The following UGT8 variants were observed in gnomAD, a reference collection of about 807,000 sequenced individuals.
UGT8 encodes the protein 2-hydroxyacylsphingosine 1-beta-galactosyltransferase.
Under a neutral mutation model 40.5 loss-of-function variants are expected in UGT8, and 12 were observed. That is an observed-to-expected ratio of 0.30 (90% CI 0.19 to 0.48). UGT8 has a LOEUF of 0.48. Ranked by LOEUF, UGT8 falls within the 20% of genes least tolerant of loss-of-function variation. The pLI is 0.99. For synonymous variants in UGT8, 224 were observed against 240.4 expected (o/e 0.93, Z 0.63); for missense variants, 513 against 648.7 (o/e 0.79, Z 2.27).
upstream of UGT8, chr4:114,598,570 G>A (rs951798817): frequency 3.3e-5 from 5 of 152,374 alleles, no homozygotes; most frequent in Non-Finnish European, 7.3e-5. Context: ...CGGGGAGCTG[G>A]AGGCGCTCGC....
At chr4:114,612,433 T>C (rs1731149613) in intron 1 of UGT8, among the ~76,000 whole-genome samples, 1 of 152,112 alleles carries the variant, frequency 6.6e-6, no homozygotes, top group Non-Finnish European at 1.5e-5. Context: ...ATCTCTATTT[T>C]TCCAAAGCTT....
intron 2 of UGT8, among the ~76,000 whole-genome samples, chr4:114,647,915 G>T (rs1733674540): frequency 6.6e-6 from 1 of 152,122 alleles, no homozygotes; most frequent in Non-Finnish European, 1.5e-5. Flanking sequence ...CATAACTGTG[G>T]AAGAAATTTT....
intron 1 of UGT8, among the ~76,000 whole-genome samples, chr4:114,616,141 A>G (rs1731413063): frequency 6.6e-6 from 1 of 152,208 alleles, no homozygotes; most frequent in South Asian, 2.1e-4. Flanking sequence ...AGACAGGGAC[A>G]TTTAAGTCTG....
intron 2 of UGT8, among the ~76,000 whole-genome samples, chr4:114,644,353 T>TA (rs1443474087): frequency 6.6e-6 from 1 of 152,184 alleles, no homozygotes; most frequent in African/African-American, 2.4e-5. Context: ...TTCATTGGTA[T>TA]CCTTCTCATT....
intron 1 of UGT8, among the ~76,000 whole-genome samples, chr4:114,613,126 G>A (rs1370064265): frequency 2.0e-5 from 3 of 151,984 alleles, no homozygotes; most frequent in Non-Finnish European, 2.9e-5. Context: ...ACTGATTTGG[G>A]GATCCATAGA....
intron 1 of UGT8, among the ~76,000 whole-genome samples, chr4:114,611,960 C>T (rs766382771): frequency 1.3e-5 from 2 of 152,034 alleles, no homozygotes; most frequent in Non-Finnish European, 2.9e-5. Context: ...TGAACAAGAC[C>T]TCCAGGTGAT....
intron 1 of UGT8, among the ~76,000 whole-genome samples, chr4:114,611,129 A>T (rs976622405): frequency 6.6e-6 from 1 of 152,068 alleles, no homozygotes. Flanking sequence ...CTAACAAAAC[A>T]TTTTAAAATG....
rs115552747 is a variant in UGT8 at position 114,642,053 on chromosome 4, G to C, written c.822+18351G>C. On this transcript the variant is annotated intron_variant, in intron 2 of 5. Transcript: ENST00000310836. ...AAAGGGGGCTTATTATCCTTGTAAA[G>C]TAGTTGAGATGGGAATTAGTGCTAC... 6.1e-3 allele frequency among the ~76,000 whole-genome samples: 930 copies of C among 152,236 alleles called. 12 individuals are homozygous for C. The highest frequency in any genetic ancestry group is 0.021 in the African/African-American group (888 of 41,560).
chr4:114,625,781 T>C (rs1488604441), intron 2 of UGT8, among the ~76,000 whole-genome samples: 1 of 152,194 alleles, frequency 6.6e-6, no homozygotes, highest in African/African-American at 2.4e-5. Context: ...TTGTTTTACA[T>C]GAAAAACATC....
intron 5 of UGT8, among the ~76,000 whole-genome samples, chr4:114,668,762 A>C (rs555221374): frequency 1.3e-5 from 2 of 152,362 alleles, no homozygotes; most frequent in South Asian, 2.1e-4. Context: ...TGTTCTTTGT[A>C]CTGCATGGTA....
intron 2 of UGT8, among the ~76,000 whole-genome samples, chr4:114,648,375 T>G (rs1213330768): frequency 2.1e-5 from 3 of 145,644 alleles, no homozygotes; most frequent in Non-Finnish European, 3.1e-5. Flanking sequence ...AATCTGGTTT[T>G]TTTTTTTTTT....
intron 2 of UGT8, among the ~76,000 whole-genome samples, chr4:114,659,160 C>G (rs540643702): frequency 6.6e-6 from 1 of 152,234 alleles, no homozygotes; most frequent in South Asian, 2.1e-4. Flanking sequence ...AAAATAAATG[C>G]AAATACTTAA....
At chr4:114,623,731 C>T (rs1365271168) in intron 2 of UGT8, 29 bp downstream of exon 2, 1 of 1,551,462 alleles carries the variant, frequency 6.4e-7, no homozygotes, top group African/African-American at 1.4e-5. Flanking sequence ...CTTGGTAATT[C>T]TTTTTTAATG....
chr4:114,666,060 T>C (rs1408986727), intron 4 of UGT8, among the ~76,000 whole-genome samples: 2 of 152,052 alleles, frequency 1.3e-5, no homozygotes, highest in African/African-American at 4.8e-5. Flanking sequence ...TATAAATTAG[T>C]AGTGAATAAG....
chr4:114,620,606 G>A (rs971895087), intron 1 of UGT8, among the ~76,000 whole-genome samples: 1 of 152,142 alleles, frequency 6.6e-6, no homozygotes, highest in African/African-American at 2.4e-5. Context: ...AATAATGTAA[G>A]TGACATTTAT....
At chr4:114,644,265 G>A (rs923439068) in intron 2 of UGT8, among the ~76,000 whole-genome samples, 4 of 152,110 alleles carry the variant, frequency 2.6e-5, no homozygotes, top group Admixed American at 1.3e-4. Flanking sequence ...ATTAATTATA[G>A]CAGAAGAAGC....
At chr4:114,620,400 C>A (rs1411624433) in intron 1 of UGT8, among the ~76,000 whole-genome samples, 1 of 152,276 alleles carries the variant, frequency 6.6e-6, no homozygotes, top group East Asian at 1.9e-4. Flanking sequence ...TAAAATATCT[C>A]ATTTTTCCTT....
At chr4:114,603,650 C>T (rs772090248) in intron 1 of UGT8, among the ~76,000 whole-genome samples, 1 of 152,004 alleles carries the variant, frequency 6.6e-6, no homozygotes, top group Non-Finnish European at 1.5e-5. Context: ...CGGTTCCCAC[C>T]CCCTCTCGAG....
At chr4:114,634,183 G>A (rs1222555114) in intron 2 of UGT8, among the ~76,000 whole-genome samples, 1 of 152,174 alleles carries the variant, frequency 6.6e-6, no homozygotes, top group Admixed American at 6.5e-5. Context: ...CTGGTGGATG[G>A]CATTTCCTTG....
Sources: allele counts gnomAD v4.1 joint callset (sites outside exome capture counted in the v4.1 genomes callset), GRCh38; gene constraint gnomAD v4.1.1; transcripts MANE v1.5; gene names NCBI Gene and HGNC (gene_info 2026-07-23, HGNC 2026-07-21).